HLCS: variants seen among roughly 807,000 people sequenced by gnomAD.
The protein encoded by HLCS is biotin--protein ligase.
Under a neutral mutation model 75.0 loss-of-function variants are expected in HLCS, and 53 were observed. The ratio of observed to expected loss-of-function variants is 0.71; its 90% CI spans 0.57 to 0.89. The LOEUF (loss-of-function observed/expected upper bound fraction) is 0.89, where lower values mean the gene tolerates loss of function less well. HLCS is among the 40% of genes least tolerant of loss of function. HLCS has a pLI of 0.00. For synonymous variants in HLCS, 431 were observed against 428.6 expected (o/e 1.01, Z -0.07); for missense variants, 966 against 1,074.0 (o/e 0.90, Z 1.41).
At chr21:36,828,149 C>T (rs2062074804) in intron 6 of HLCS, among the ~76,000 whole-genome samples, 1 of 152,104 alleles carries the variant, frequency 6.6e-6, no homozygotes, top group Non-Finnish European at 1.5e-5. Flanking sequence ...GTTTCATGTT[C>T]TGAGAACCAG....
chr21:36,934,234 A>G (rs2066776500), intron 4 of HLCS, among the ~76,000 whole-genome samples: 2 of 152,058 alleles, frequency 1.3e-5, no homozygotes, highest in South Asian at 4.2e-4. Context: ...TGGACCGAAA[A>G]CCGGAACTAA....
chr21:36,868,271 G>A (rs2063635497), intron 6 of HLCS, among the ~76,000 whole-genome samples: 1 of 146,474 alleles, frequency 6.8e-6, no homozygotes, highest in Non-Finnish European at 1.5e-5. Flanking sequence ...AGGAAGGAAG[G>A]AAGGAAAGAA....
chr21:36,950,579 C>G (rs563231829), intron 2 of HLCS, among the ~76,000 whole-genome samples: 1 of 151,972 alleles, frequency 6.6e-6, no homozygotes, highest in Non-Finnish European at 1.5e-5. Flanking sequence ...AAGCAATCCT[C>G]CCACCTCAGC....
chr21:36,927,415 A>G (rs762370), intron 5 of HLCS, among the ~76,000 whole-genome samples: 69,390 of 152,166 alleles, frequency 0.46, 16,203 homozygotes, highest in Middle Eastern at 0.55. Context: ...GGGTCTTGCT[A>G]CTATTCTTTC....
intron 5 of HLCS, among the ~76,000 whole-genome samples, chr21:36,926,923 T>A (rs992880358): frequency 2.0e-5 from 3 of 152,160 alleles, no homozygotes; most frequent in Admixed American, 6.5e-5. Flanking sequence ...TTGTATCTTC[T>A]GTAAAGAATA....
At chr21:36,854,651 C>G (rs2063124776) in intron 6 of HLCS, among the ~76,000 whole-genome samples, 1 of 152,170 alleles carries the variant, frequency 6.6e-6, no homozygotes, top group African/African-American at 2.4e-5. Context: ...GGGTGCAGGA[C>G]TGCCCCCTAG....
chr21:36,763,302 G>A (rs1041777921), intron 8 of HLCS, among the ~76,000 whole-genome samples: 9 of 152,122 alleles, frequency 5.9e-5, no homozygotes, highest in Non-Finnish European at 8.8e-5. Context: ...GAGCCACCGC[G>A]CCTGGCCAGG....
At chr21:36,768,524 C>G (rs144275383) in intron 6 of HLCS, among the ~76,000 whole-genome samples, 221 of 152,312 alleles carry the variant, frequency 1.5e-3, no homozygotes, top group Middle Eastern at 3.4e-3. Flanking sequence ...CGTCTGACGG[C>G]GCATGCAGGC....
chr21:36,923,339 A>G (rs2066258298), intron 5 of HLCS, among the ~76,000 whole-genome samples: 2 of 152,106 alleles, frequency 1.3e-5, no homozygotes, highest in African/African-American at 4.8e-5. Flanking sequence ...TTTTATTCCA[A>G]AAGAGGCCGT....
chr21:36,800,851 G>A (rs1042943293), intron 6 of HLCS, among the ~76,000 whole-genome samples: 1 of 152,104 alleles, frequency 6.6e-6, no homozygotes, highest in Admixed American at 6.6e-5. Context: ...AACCCACCAA[G>A]AATAGCAAGT....
intron 2 of HLCS, among the ~76,000 whole-genome samples, chr21:36,942,393 C>T (rs1239596452): frequency 8.4e-6 from 1 of 118,886 alleles, no homozygotes; most frequent in Non-Finnish European, 1.6e-5. Context: ...AGCAAGACTC[C>T]GTCTCAAAAA....
chr21:36,965,888 C>T (rs2068543726), intron 1 of HLCS, among the ~76,000 whole-genome samples: 1 of 151,882 alleles, frequency 6.6e-6, no homozygotes, highest in Admixed American at 6.6e-5. Flanking sequence ...GTAGCTGGGA[C>T]TACAGGCGCG....
chr21:36,772,638 C>CAAAAAAAAAAAAAAAAAAAAA (rs34788426), intron 6 of HLCS, among the ~76,000 whole-genome samples: 1 of 80,876 alleles, frequency 1.2e-5, no homozygotes. Flanking sequence ...GACACTGTCT[C>CAAAAAAAAAAAAAAAAAAAAA]AAAAAAAAAA....
At chr21:36,897,760 A>C (rs2065071258) in intron 5 of HLCS, among the ~76,000 whole-genome samples, 1 of 152,152 alleles carries the variant, frequency 6.6e-6, no homozygotes, top group South Asian at 2.1e-4. Context: ...AGGAAGGCAA[A>C]ACCTAGAAGA....
upstream of HLCS, among the ~76,000 whole-genome samples, chr21:36,970,811 T>A (rs1051413069): frequency 6.6e-6 from 1 of 151,896 alleles, no homozygotes; most frequent in African/African-American, 2.4e-5. Flanking sequence ...GCTAACACAG[T>A]GAAACCCCGT....
intron 6 of HLCS, among the ~76,000 whole-genome samples, chr21:36,802,492 T>C (rs539724066): frequency 6.6e-6 from 1 of 152,366 alleles, no homozygotes; most frequent in East Asian, 1.9e-4. Context: ...CTATGTCTTA[T>C]TTATTCATTC....
intron 6 of HLCS, among the ~76,000 whole-genome samples, chr21:36,832,142 C>T (rs2062233003): frequency 6.6e-6 from 1 of 152,174 alleles, no homozygotes; most frequent in Non-Finnish European, 1.5e-5. Flanking sequence ...GGGTGGGTTG[C>T]GGCTAGATAT....
intron 6 of HLCS, among the ~76,000 whole-genome samples, chr21:36,893,571 G>A (rs1263952246): frequency 2.0e-5 from 3 of 152,200 alleles, no homozygotes; most frequent in African/African-American, 4.8e-5. Context: ...TCCATGGACA[G>A]GGGGTTTCGG....
At chr21:36,896,806 A>G in intron 6 of HLCS, 54 bp downstream of exon 6, 3 of 1,591,620 alleles carry the variant, frequency 1.9e-6, no homozygotes, top group Non-Finnish European at 2.6e-6. Flanking sequence ...GTAAGAGAGG[A>G]TGATCAATGG....
Sources: allele counts gnomAD v4.1 joint callset (sites outside exome capture counted in the v4.1 genomes callset), GRCh38; gene constraint gnomAD v4.1.1; transcripts MANE v1.5; gene names NCBI Gene and HGNC (gene_info 2026-07-23, HGNC 2026-07-21).